The following P2RY6 variants were observed in gnomAD, a reference collection of about 807,000 sequenced individuals.
P2RY6 encodes the protein P2Y purinoceptor 6.
Under a neutral mutation model 16.3 loss-of-function variants are expected in P2RY6, and 19 were observed. The ratio of observed to expected loss-of-function variants is 1.16; its 90% CI spans 0.81 to 1.71. The LOEUF is 1.71. P2RY6 is among the 40% of genes most tolerant of loss of function. The pLI is 0.00. For synonymous variants in P2RY6, 184 were observed against 201.5 expected (o/e 0.91, Z 0.74); for missense variants, 389 against 455.5 (o/e 0.85, Z 1.33).
In P2RY6 at chr11:73,296,489, C is replaced by T. The variant is rs751256592; in HGVS notation, c.-30C>T. The T allele has an allele frequency of 7.5e-6, 12 of 1,605,910 alleles. No homozygotes were observed. In the South Asian group the frequency reaches 9.9e-5, roughly 13 times the overall value. On this transcript the variant is annotated 5_prime_UTR_variant, in exon 3 of 3. Transcript: ENST00000540124. ...GGCTGTGTATTGCTTTCCCAGCCTC[C>T]CTGAACATAGGAAACCCACCTGGGC...
chr11:73,295,670 A>G, intron 1 of P2RY6, 60 bp from the exon 2 acceptor site: 1 of 639,312 alleles, frequency 1.6e-6, no homozygotes, highest in Non-Finnish European at 1.9e-6. Context: ...CTGCCTTTGT[A>G]GCCTCAAGTG....
chr11:73,268,965 C>T (rs1378587423), upstream of P2RY6, among the ~76,000 whole-genome samples: 3 of 152,178 alleles, frequency 2.0e-5, no homozygotes, highest in African/African-American at 2.4e-5. Context: ...GCTGAGAAAA[C>T]CAAGGTTCAG....
At chr11:73,269,452 G>A (rs1863213512), upstream of P2RY6, among the ~76,000 whole-genome samples, 1 of 152,204 alleles carries the variant, frequency 6.6e-6, no homozygotes, top group African/African-American at 2.4e-5. Flanking sequence ...TGACATCTGG[G>A]ACAGTTTGAA....
intron 1 of P2RY6, among the ~76,000 whole-genome samples, chr11:73,291,992 C>A (rs1388575957): frequency 5.9e-5 from 9 of 152,262 alleles, no homozygotes; most frequent in Admixed American, 5.9e-4. Flanking sequence ...AGGTCGCCCT[C>A]TTGGAATGCT....
At chr11:73,277,375 A>C (rs1293874222) in intron 1 of P2RY6, among the ~76,000 whole-genome samples, 2 of 152,154 alleles carry the variant, frequency 1.3e-5, no homozygotes, top group Non-Finnish European at 2.9e-5. Flanking sequence ...GGCATGAGCT[A>C]CTGGGCCCAG....
chr11:73,273,466 A>ATG (rs144585529), intron 1 of P2RY6, among the ~76,000 whole-genome samples: 4 of 150,910 alleles, frequency 2.7e-5, no homozygotes, highest in South Asian at 2.1e-4. Context: ...CTTCCAGTGT[A>ATG]TGTGTGTGTG....
chr11:73,290,364 A>G (rs1175563544), intron 1 of P2RY6, among the ~76,000 whole-genome samples: 2 of 103,168 alleles, frequency 1.9e-5, no homozygotes, highest in Non-Finnish European at 4.2e-5. Context: ...AGAAAGAAAG[A>G]AGGAAAGAAA....
chr11:73,268,262 A>G (rs182960645), upstream of P2RY6, among the ~76,000 whole-genome samples: 360 of 152,148 alleles, frequency 2.4e-3, 1 homozygote, highest in African/African-American at 8.3e-3. Context: ...CAAACAGCAG[A>G]CCCCAGACTC....
At chr11:73,271,552 G>C (rs746032977), upstream of P2RY6, 1 of 152,146 alleles carries the variant, frequency 6.6e-6, no homozygotes, top group Non-Finnish European at 1.5e-5. Flanking sequence ...AGAACAGAAC[G>C]GGAGGTTTCA....
Position 73,272,354 on chromosome 11 carries a change from A to G in P2RY6, c.-233A>G, listed in dbSNP as rs975679928. On this transcript the variant is annotated 5_prime_UTR_variant, in exon 1 of 3. Transcript: ENST00000540124. ...TGCCTCTCCAGACTTCTGCCAGAAC[A>G]TTGCACGCGACAGTTTCAGGCACAG... 3.0e-6 allele frequency: 3 copies of G among 985,344 alleles called. No homozygotes were observed. The highest frequency in any genetic ancestry group is 3.5e-5 in the African/African-American group (2 of 57,226). The allele number at this position is 985,344 out of a possible 1,614,324, so 61.0% of individuals were successfully genotyped here.
At chr11:73,291,714 T>A (rs1365251600) in intron 1 of P2RY6, among the ~76,000 whole-genome samples, 2 of 152,152 alleles carry the variant, frequency 1.3e-5, no homozygotes, top group African/African-American at 4.8e-5. Context: ...TGCTCTAGGC[T>A]CTAGGAGTCT....
intron 1 of P2RY6, among the ~76,000 whole-genome samples, chr11:73,279,130 T>C (rs1863657350): frequency 6.6e-6 from 1 of 152,046 alleles, no homozygotes; most frequent in Non-Finnish European, 1.5e-5. Context: ...TGATTAGTAA[T>C]GTTGAGCATC....
At chr11:73,287,385 C>A (rs1864010832) in intron 1 of P2RY6, among the ~76,000 whole-genome samples, 1 of 152,258 alleles carries the variant, frequency 6.6e-6, no homozygotes, top group Non-Finnish European at 1.5e-5. Context: ...GGGGCCCACT[C>A]TTCTCTCATT....
chr11:73,266,095 T>C (rs1407373498), intron 1 of P2RY6, among the ~76,000 whole-genome samples: 2 of 152,202 alleles, frequency 1.3e-5, no homozygotes, highest in East Asian at 1.9e-4. Flanking sequence ...CTCTCAGTTT[T>C]CACAGAGCCA....
In P2RY6 at chr11:73,284,658, A is replaced by G. The variant is rs185986851; in HGVS notation, c.-120-11072A>G. On this transcript the variant is annotated intron_variant, in intron 1 of 2. Transcript: ENST00000540124. ...AAACACATACTCTTAAGTACAAACT[A>G]CAGCTTGCTACATGAATAGCCTCAA... 1.4e-3 allele frequency among the ~76,000 whole-genome samples: 213 copies of G among 152,332 alleles called. 1 individual carries two copies. Among genetic ancestry groups the G allele is most frequent in the African/African-American group, 4.9e-3 (203 of 41,572 alleles).
At chr11:73,270,773 T>C (rs1863269075), upstream of P2RY6, among the ~76,000 whole-genome samples, 1 of 151,914 alleles carries the variant, frequency 6.6e-6, no homozygotes, top group Admixed American at 6.6e-5. Flanking sequence ...GCTGCTGAGA[T>C]CCACTGAGGC....
chr11:73,279,023 A>C (rs1863652060), intron 1 of P2RY6, among the ~76,000 whole-genome samples: 1 of 150,472 alleles, frequency 6.6e-6, no homozygotes, highest in Non-Finnish European at 1.5e-5. Flanking sequence ...CATCCCCAAC[A>C]ACTTATTTCC....
chr11:73,285,502 C>A (rs1417097826), intron 1 of P2RY6, among the ~76,000 whole-genome samples: 3 of 152,178 alleles, frequency 2.0e-5, no homozygotes, highest in Non-Finnish European at 2.9e-5. Context: ...CCTTGGACAC[C>A]CACAAAGTCC....
In P2RY6 at chr11:73,297,072, T is replaced by A. The variant is rs1864529046; in HGVS notation, c.554T>A (p.Leu185Gln). The part of the protein sequence containing the change: ...TVCYDLSPPA[L>Q]ATHYMPYGMA... ...TGCTATGACCTCAGCCCGCCTGCCC[T>A]GGCCACCCACTATATGCCCTATGGC... The change falls in exon 3 of 3, where the codon CTG (leucine) becomes CAG (glutamine). Residue 185 changes from leucine (L) to glutamine (Q), a missense_variant. Leu to Gln is a moderately radical substitution (Grantham distance 113). Coordinates refer to ENST00000540124, the MANE Select transcript of P2RY6 (RefSeq NM_001277204.2). 6.2e-7 allele frequency: 1 copy of A among 1,601,964 alleles called. No individual in the cohort carries two copies.
Sources: allele counts gnomAD v4.1 joint callset (sites outside exome capture counted in the v4.1 genomes callset), GRCh38; gene constraint gnomAD v4.1.1; transcripts MANE v1.5; gene names NCBI Gene and HGNC (gene_info 2026-07-23, HGNC 2026-07-21).